Variants in OTOGL observed in about 807,000 individuals in gnomAD.
OTOGL encodes otogelin like.
OTOGL carries 285 observed loss-of-function variants against 318.5 expected under a neutral mutation model. The ratio of observed to expected loss-of-function variants is 0.89; its 90% CI spans 0.81 to 0.99. The LOEUF is 0.99. Ranked by LOEUF, OTOGL falls within the 50% of genes least tolerant of loss-of-function variation. OTOGL has a pLI of 0.00. For missense variants in OTOGL, 2,899 were observed against 2,845.6 expected (o/e 1.02, Z -0.43); for synonymous variants, 987 against 936.5 (o/e 1.05, Z -0.99).
chr12:80,108,564 A>G (rs2137074730), intron 1 of OTOGL, among the ~76,000 whole-genome samples: 1 of 151,274 alleles, frequency 6.6e-6, no homozygotes, highest in East Asian at 1.9e-4. Context: ...AGATACTTTG[A>G]GAATGTGTCA....
intron 1 of OTOGL, among the ~76,000 whole-genome samples, chr12:80,146,656 T>C (rs1035442064): frequency 8.6e-5 from 13 of 152,004 alleles, no homozygotes; most frequent in Non-Finnish European, 1.5e-4. Context: ...CTTGTACCTC[T>C]GCTAGAATTC....
intron 20 of OTOGL, chr12:80,265,664 T>C (rs1216543747): frequency 5.6e-6 from 1 of 178,900 alleles, no homozygotes; most frequent in Non-Finnish European, 1.2e-5. Context: ...TCATGGTAGA[T>C]TGTTTCCTTG....
At chr12:80,133,847 G>A (rs1457795853) in intron 1 of OTOGL, among the ~76,000 whole-genome samples, 1 of 151,898 alleles carries the variant, frequency 6.6e-6, no homozygotes, top group Middle Eastern at 3.2e-3. Context: ...CCAGCTACTC[G>A]GGAGGCTAAG....
intron 1 of OTOGL, among the ~76,000 whole-genome samples, chr12:80,152,721 C>T (rs905123938): frequency 3.8e-4 from 58 of 152,256 alleles, no homozygotes; most frequent in African/African-American, 1.3e-3. Context: ...CAGAGTGTCA[C>T]TTTGTCACCA....
chr12:80,247,129 G>A (rs1171009867), intron 11 of OTOGL, among the ~76,000 whole-genome samples: 5 of 139,704 alleles, frequency 3.6e-5, no homozygotes, highest in South Asian at 2.3e-4. Context: ...TGGATTCATT[G>A]ATTTTTTGAA....
intron 1 of OTOGL, among the ~76,000 whole-genome samples, chr12:80,128,841 G>A (rs190898112): frequency 6.6e-5 from 10 of 152,220 alleles, no homozygotes; most frequent in Admixed American, 5.2e-4. Context: ...CTCTGAGCCA[G>A]GTGCGGGATA....
intron 27 of OTOGL, among the ~76,000 whole-genome samples, chr12:80,300,602 C>G (rs1885694382): frequency 6.6e-6 from 1 of 152,130 alleles, no homozygotes; most frequent in Admixed American, 6.5e-5. Context: ...CACTTCTGAG[C>G]AAGGAACCGT....
In OTOGL at chr12:80,123,161, T is replaced by C. The variant is rs1870590748; in HGVS notation, c.-20+23556T>C. Among the ~76,000 whole-genome samples the C allele has an allele frequency of 2.0e-5, 3 of 152,198 alleles. 1 individual carries two copies. In the South Asian group the frequency reaches 6.2e-4, roughly 32 times the overall value. On this transcript the variant is annotated intron_variant, in intron 1 of 58. Coordinates refer to ENST00000547103, the MANE Select transcript of OTOGL (RefSeq NM_001378609.3). ...AACTCATCATTTAACATTAGGTATA[T>C]CTCCTAATGCTATCCCTCCCCCTTC...
At chr12:80,336,241 G>C in intron 39 of OTOGL, 101 bp downstream of exon 39, 1 of 1,360,762 alleles carries the variant, frequency 7.3e-7, no homozygotes. Flanking sequence ...CAAAGTTACT[G>C]TTTTTGAGTT....
chr12:80,144,251 T>C (rs1389812275), intron 1 of OTOGL, among the ~76,000 whole-genome samples: 6 of 152,024 alleles, frequency 3.9e-5, no homozygotes, highest in Admixed American at 3.3e-4. Flanking sequence ...GTTCCCCTTC[T>C]GTGTCCATGT....
chr12:80,174,124 T>C (rs562018006), intron 1 of OTOGL, among the ~76,000 whole-genome samples: 1 of 152,328 alleles, frequency 6.6e-6, no homozygotes, highest in Admixed American at 6.5e-5. Context: ...TAAACCATGC[T>C]GATTTGGAGT....
intron 7 of OTOGL, among the ~76,000 whole-genome samples, chr12:80,224,009 C>G (rs11114355): frequency 0.11 from 16,652 of 152,130 alleles, 962 homozygotes; most frequent in East Asian, 0.23. Context: ...TTGCCTAAGC[C>G]AATGTCTAGA....
At chr12:80,368,895 T>A (rs942878632) in intron 55 of OTOGL, among the ~76,000 whole-genome samples, 9 of 151,712 alleles carry the variant, frequency 5.9e-5, no homozygotes, top group African/African-American at 1.7e-4. Flanking sequence ...ATCAACAGAT[T>A]AGCATAAATA....
intron 57 of OTOGL, among the ~76,000 whole-genome samples, chr12:80,373,473 T>A (rs578076802): frequency 3.1e-4 from 46 of 146,424 alleles, no homozygotes; most frequent in African/African-American, 1.1e-3. Context: ...ACAAACAAAC[T>A]GTGGTATAGG....
At chr12:80,259,662 T>C (rs1882363813) in intron 18 of OTOGL, among the ~76,000 whole-genome samples, 1 of 152,062 alleles carries the variant, frequency 6.6e-6, no homozygotes, top group African/African-American at 2.4e-5. Flanking sequence ...TATAGTTTGC[T>C]GAGGATGATG....
chr12:80,108,773 ATATATATATATATGTATATATATATATG>A (rs1201951898), intron 1 of OTOGL, among the ~76,000 whole-genome samples: 9 of 28,574 alleles, frequency 3.1e-4, no homozygotes, highest in South Asian at 9.0e-4. Flanking sequence ...ATATACACGT[ATATATATATATATGTATATATATATATG>A]TATATATATA....
chr12:80,202,984 C>G (rs1876563390), intron 1 of OTOGL, among the ~76,000 whole-genome samples: 2 of 152,130 alleles, frequency 1.3e-5, no homozygotes, highest in African/African-American at 4.8e-5. Flanking sequence ...GACCTTTATC[C>G]CTGTGATTTA....
At position 80,270,144 on chromosome 12, in the gene OTOGL, G is replaced by A. The variant is rs532836630; in HGVS notation, c.2508G>A (p.Thr836=). The change falls in exon 23 of 59, where the codon ACG becomes ACA. Residue 836 remains threonine, a synonymous_variant. Transcript: ENST00000547103. Reference sequence around the variant, plus strand: ...CTGTGAAATGTGATGAATTAGCAACGCCCTCTGCTGGTAAGATCTTAAAAG... The same window carrying A: ...CTGTGAAATGTGATGAATTAGCAACACCCTCTGCTGGTAAGATCTTAAAAG... ...NGTVKCDELA[T]PSAVHICPEG... 3.7e-5 allele frequency: 59 copies of A among 1,602,682 alleles called. 1 individual carries two copies. The highest frequency in any genetic ancestry group is 3.3e-4 in the Middle Eastern group (2 of 6,028).
rs769459337 is a variant in OTOGL at position 80,257,915 on chromosome 12, G to T, written c.1802G>T (p.Arg601Ile). ...ATTCTGTTTGCTATAGATGGGGAAA[G>T]AATTTATATTCAGCTTACTAGCGCA... ...LKILFAIDGERIYIQLTSAWK... is the reference protein window; with the variant it reads ...LKILFAIDGEIIYIQLTSAWK... The change falls in exon 18 of 59, where the codon AGA (arginine) becomes ATA (isoleucine). Residue 601 changes from arginine (R) to isoleucine (I), a missense_variant. Physicochemically the swap from Arg to Ile is moderately conservative, Grantham distance 97 (BLOSUM62 -3). Transcript: ENST00000547103. 30 of 1,598,056 alleles carry T rather than the reference G, an allele frequency of 1.9e-5. No individual in the cohort carries two copies. Among genetic ancestry groups the T allele is most frequent in the Middle Eastern group, 1.7e-4 (1 of 6,050 alleles).
Sources: gnomAD v4.1 joint callset for allele counts (sites outside exome capture counted in the v4.1 genomes callset) on GRCh38, gnomAD v4.1.1 for gene constraint, MANE v1.5 for transcripts, NCBI Gene and HGNC (gene_info 2026-07-23, HGNC 2026-07-21) for gene names.